LSG1: variants seen among roughly 807,000 people sequenced by gnomAD.
The protein encoded by LSG1 is large 60S subunit nuclear export GTPase 1.
A neutral mutation model predicts 82.6 loss-of-function variants in LSG1; 55 were observed. The ratio of observed to expected loss-of-function variants is 0.67; its 90% CI spans 0.54 to 0.83. The LOEUF is 0.83. Among genes scored for constraint, LSG1 ranks in the 40% least tolerant of loss-of-function variants. LSG1 has a pLI of 0.00. For synonymous variants in LSG1, 272 were observed against 282.5 expected (o/e 0.96, Z 0.37); for missense variants, 809 against 807.9 (o/e 1.00, Z -0.02).
intron 12 of LSG1, among the ~76,000 whole-genome samples, chr3:194,645,571 G>GACACACACACAC (rs1560219817): frequency 4.8e-5 from 2 of 41,324 alleles, no homozygotes; most frequent in African/African-American, 1.9e-4. Context: ...CACACACACA[G>GACACACACACAC]ACAGACACAC....
Position 194,641,975 on chromosome 3 carries a change from T to TGC in LSG1, c.*91_*92dup. ...TGCAAGAGCAGGGCCCGTTCTACAG[T>TGC]GCTAGTGTCTTGGGACGGTTCCACA... On this transcript the variant is annotated 3_prime_UTR_variant, in exon 14 of 14. Transcript: ENST00000265245. The TGC allele has an allele frequency of 7.2e-7, 1 of 1,380,488 alleles. No homozygotes were observed. Among genetic ancestry groups the TGC allele is most frequent in the Non-Finnish European group, 1.0e-6 (1 of 997,766 alleles). The allele number at this position is 1,380,488 out of a possible 1,614,324, so 85.5% of individuals were successfully genotyped here.
At chr3:194,665,166 G>A (rs1719007129) in intron 5 of LSG1, among the ~76,000 whole-genome samples, 1 of 152,134 alleles carries the variant, frequency 6.6e-6, no homozygotes, top group Non-Finnish European at 1.5e-5. Context: ...AGCTGAACAT[G>A]GTGTAACTCG....
chr3:194,660,077 T>C lies in LSG1; in HGVS notation c.578A>G (p.Asp193Gly), dbSNP rs200769877. Reference sequence around the variant, plus strand: ...ATTTTGTCAAACTTGACTTACCAAATCCTCACATCTAAACAGGAGTGGGTT... The same window carrying C: ...ATTTTGTCAAACTTGACTTACCAAACCCTCACATCTAAACAGGAGTGGGTT... ...ARNPLLFRCE[D>G]LECYVKEMDA... is the part of the protein sequence containing the mutation. Residue 193 changes from aspartate (D) to glycine (G), a missense_variant, in exon 6 of 14, where the codon GAT becomes GGT. By Grantham distance (94) the Asp-to-Gly change is moderately conservative. Transcript: ENST00000265245. 1 of 1,613,836 alleles carries C rather than the reference T, an allele frequency of 6.2e-7. No individual in the cohort carries two copies. The highest frequency in any genetic ancestry group is 2.2e-5 in the East Asian group (1 of 44,884).
intron 8 of LSG1, among the ~76,000 whole-genome samples, chr3:194,652,323 T>C (rs962061252): frequency 1.3e-5 from 2 of 152,210 alleles, no homozygotes; most frequent in Non-Finnish European, 2.9e-5. Context: ...AGCCCCAAGA[T>C]GCTGGGATTC....
chr3:194,655,974 C>T (rs1718781437), intron 7 of LSG1, among the ~76,000 whole-genome samples: 1 of 152,070 alleles, frequency 6.6e-6, no homozygotes. Context: ...CTGGATCCCT[C>T]CCTTACACCT....
At chr3:194,653,326 C>G (rs920977964) in intron 7 of LSG1, among the ~76,000 whole-genome samples, 184 bp from the exon 8 acceptor site, 5 of 151,948 alleles carry the variant, frequency 3.3e-5, no homozygotes, top group Non-Finnish European at 5.9e-5. Context: ...ACCACGCTGA[C>G]CAACATGGTG....
At chr3:194,667,942 A>AATATATATATATATATATATATAT (rs763693435) in intron 2 of LSG1, among the ~76,000 whole-genome samples, 1 of 86,962 alleles carries the variant, frequency 1.1e-5, no homozygotes, top group African/African-American at 4.8e-5. Flanking sequence ...AAAAAAAAAA[A>AATATATATATATATATATATATAT]ATATATATAT....
intron 13 of LSG1, 124 bp downstream of exon 13, chr3:194,644,449 C>A (rs538660699): frequency 8.0e-6 from 3 of 374,462 alleles, no homozygotes; most frequent in East Asian, 4.3e-5. Context: ...AATTATTAAA[C>A]CCTTTTTGGA....
At position 194,648,702 on chromosome 3, in the gene LSG1, C is replaced by T; in HGVS notation, c.1522G>A (p.Glu508Lys). The T allele has an allele frequency of 6.2e-6, 10 of 1,614,106 alleles. No individual in the cohort carries two copies. The highest frequency in any genetic ancestry group is 8.5e-6 in the Non-Finnish European group (10 of 1,179,996). The change falls in exon 11 of 14, where the codon GAA becomes AAA. Residue 508 changes from glutamate (E) to lysine (K), a missense_variant. Transcript: ENST00000265245. Reference protein sequence around the residue: ...EDPHRPPTSEELLTAYGYMRG... With the variant: ...EDPHRPPTSEKLLTAYGYMRG... Reference sequence around the variant, plus strand: ...TTACATCCATAAGCTGTCAACAGTTCTTCCGATGTTGGAGGTCGGTGGGGA... The same window carrying T: ...TTACATCCATAAGCTGTCAACAGTTTTTCCGATGTTGGAGGTCGGTGGGGA...
At chr3:194,669,317 C>CA (rs1395102559) in intron 2 of LSG1, among the ~76,000 whole-genome samples, 1 of 152,156 alleles carries the variant, frequency 6.6e-6, no homozygotes, top group African/African-American at 2.4e-5. Flanking sequence ...TAACTATATA[C>CA]AATTTTTAGT....
chr3:194,651,895 T>C (rs1275329635), intron 8 of LSG1, among the ~76,000 whole-genome samples: 3 of 152,222 alleles, frequency 2.0e-5, no homozygotes, highest in African/African-American at 7.2e-5. Flanking sequence ...TAGGTCTGTC[T>C]GATTCCACAG....
In LSG1 at chr3:194,659,001, A is replaced by C; in HGVS notation, c.715T>G (p.Trp239Gly). The change falls in exon 7 of 14, where the codon TGG becomes GGG. Residue 239 changes from tryptophan to glycine, a missense_variant. By Grantham distance (184) the Trp-to-Gly change is radical. Transcript: ENST00000265245. ...FEKEDVKVIF[W>G]SALAGAIPLN... The stretch of plus-strand genomic sequence containing the variant: ...GGAATGGCTCCGGCCAAAGCTGACC[A>C]GAAAATAACCTTCACATCTTCTTTT... The C allele has an allele frequency of 1.9e-6, 3 of 1,614,260 alleles. No homozygotes were observed. Among genetic ancestry groups the C allele is most frequent in the Non-Finnish European group, 2.5e-6 (3 of 1,180,042 alleles).
rs1718716225 is a variant in LSG1 at position 194,653,212 on chromosome 3, G to C, written c.760-70C>G. On this transcript the variant is annotated intron_variant, in intron 7 of 13. Transcript: ENST00000265245. Reference sequence around the variant, plus strand: ...CCACTCTAGTAAAAATACTTAATGAGTTGTAAGATGGACAGAGGATGGCTG... The same window carrying C: ...CCACTCTAGTAAAAATACTTAATGACTTGTAAGATGGACAGAGGATGGCTG... The C allele has an allele frequency of 1.9e-5, 28 of 1,470,618 alleles. No individual in the cohort carries two copies. In the South Asian group the frequency reaches 3.4e-4, roughly 18 times the overall value. The allele number at this position is 1,470,618 out of a possible 1,614,324, so 91.1% of individuals were successfully genotyped here. A position where few individuals can be genotyped will look rare whatever the true frequency, so the allele number is the denominator to read the frequency against.
chr3:194,664,054 C>A (rs963394), intron 5 of LSG1, among the ~76,000 whole-genome samples: 9,157 of 152,152 alleles, frequency 0.06, 311 homozygotes, highest in Middle Eastern at 0.1. Context: ...CTCACTGCAA[C>A]CTCCACCTCC....
At chr3:194,664,984 A>G (rs1050644190) in intron 5 of LSG1, among the ~76,000 whole-genome samples, 3 of 152,100 alleles carry the variant, frequency 2.0e-5, no homozygotes, top group Admixed American at 1.3e-4. Flanking sequence ...TTTCCTCAAT[A>G]CTTATCAACC....
At chr3:194,668,440 T>A (rs1321650403) in intron 2 of LSG1, among the ~76,000 whole-genome samples, 2 of 152,194 alleles carry the variant, frequency 1.3e-5, no homozygotes, top group Admixed American at 1.3e-4. Context: ...CCAACATTTG[T>A]TATAGTCTCT....
intron 2 of LSG1, among the ~76,000 whole-genome samples, chr3:194,668,173 A>C (rs925212483): frequency 1.3e-5 from 2 of 151,756 alleles, no homozygotes; most frequent in African/African-American, 4.8e-5. Flanking sequence ...CTTTCTGTAG[A>C]TTTGCCTCTT....
Position 194,652,958 on chromosome 3 carries a change from T to C in LSG1, c.944A>G (p.Glu315Gly). The change falls in exon 8 of 14, where the codon GAA becomes GGA. Residue 315 changes from glutamate (E) to glycine (G), a missense_variant. Physicochemically the swap from Glu to Gly is moderately conservative, Grantham distance 98. Transcript: ENST00000265245. ...TTCTGAGCACGTCTGCCAGTCGTCT[T>C]CCTCCTCCTCTGGACAGTCCTCATA... ...SEYEDCPEEE[E>G]DDWQTCSEED... 1 of 1,614,178 alleles carries C rather than the reference T, an allele frequency of 6.2e-7. No individual in the cohort carries two copies. The highest frequency in any genetic ancestry group is 8.5e-7 in the Non-Finnish European group (1 of 1,180,018).
chr3:194,656,140 A>C (rs1193499927), intron 7 of LSG1, among the ~76,000 whole-genome samples: 2 of 151,986 alleles, frequency 1.3e-5, no homozygotes, highest in Admixed American at 6.6e-5. Flanking sequence ...CAAAAGCCAA[A>C]ATTGACAAAT....
Sources: allele counts gnomAD v4.1 joint callset (sites outside exome capture counted in the v4.1 genomes callset), GRCh38; gene constraint gnomAD v4.1.1; transcripts MANE v1.5; gene names NCBI Gene and HGNC (gene_info 2026-07-23, HGNC 2026-07-21).